Variants in FNDC3A observed in about 807,000 individuals in gnomAD.
FNDC3A encodes fibronectin type III domain containing 3A.
In FNDC3A, 32 loss-of-function variants were observed where a neutral mutation model predicts 148.9. That is an observed-to-expected ratio of 0.21 (90% confidence interval 0.16 to 0.29). The LOEUF (loss-of-function observed/expected upper bound fraction) is 0.29. Among genes scored for constraint, FNDC3A ranks in the 10% least tolerant of loss-of-function variants. The pLI, the probability that FNDC3A is intolerant of heterozygous loss-of-function variation, is 1.00. For missense variants in FNDC3A, 1,191 were observed against 1,452.8 expected (o/e 0.82, Z 2.93); for synonymous variants, 472 against 473.6 (o/e 1.00, Z 0.04).
intron 2 of FNDC3A, among the ~76,000 whole-genome samples, chr13:49,021,662 T>A (rs573598004): frequency 1.6e-4 from 24 of 152,318 alleles, no homozygotes; most frequent in African/African-American, 5.5e-4. Flanking sequence ...TCCCTGAACA[T>A]ACTGTTGCAA....
At chr13:49,106,773 C>CTAA (rs1555291720) in intron 3 of FNDC3A, among the ~76,000 whole-genome samples, 1 of 79,882 alleles carries the variant, frequency 1.3e-5, no homozygotes, top group Non-Finnish European at 2.3e-5. Flanking sequence ...TGAATGAAAG[C>CTAA]AAAAAAAAAA....
At chr13:49,016,035 G>A (rs955978977) in intron 2 of FNDC3A, among the ~76,000 whole-genome samples, 9 of 152,146 alleles carry the variant, frequency 5.9e-5, no homozygotes, top group African/African-American at 1.7e-4. Context: ...TTGCATCAAT[G>A]TTCATCAAGG....
In FNDC3A at chr13:49,203,142, A is replaced by G. The variant is rs372242138; in HGVS notation, c.3155-15A>G. 1 of 1,558,490 alleles carries G rather than the reference A, an allele frequency of 6.4e-7. No individual in the cohort carries two copies. Among genetic ancestry groups the G allele is most frequent in the Non-Finnish European group, 8.8e-7 (1 of 1,141,112 alleles). On this transcript the variant is annotated splice_polypyrimidine_tract_variant and intron_variant, in intron 24 of 25. Transcript: ENST00000492622. ...ATCAAGTGGAACAGATATTATTTAT[A>G]TTTGTTTCCTACAGCCCCCAAAATA...
rs551831897 is a variant in FNDC3A at position 49,017,099 on chromosome 13, C to G, written c.99+10810C>G. 9.5e-4 allele frequency among the ~76,000 whole-genome samples: 145 copies of G among 152,226 alleles called. 1 individual carries two copies. Among genetic ancestry groups the G allele is most frequent in the African/African-American group, 3.3e-3 (139 of 41,518 alleles). On this transcript the variant is annotated intron_variant, in intron 2 of 25. Coordinates refer to ENST00000492622, the MANE Select transcript of FNDC3A (RefSeq NM_001079673.2). ...TTCTGTTGATTTGGGGTGGAGAGTTCTGCAGATGTCTATTAGGTCTGCTTG... is the reference window on the plus strand; with the variant it reads ...TTCTGTTGATTTGGGGTGGAGAGTTGTGCAGATGTCTATTAGGTCTGCTTG...
chr13:48,990,202 C>G (rs1237872755), intron 1 of FNDC3A, among the ~76,000 whole-genome samples: 3 of 151,740 alleles, frequency 2.0e-5, no homozygotes, highest in Non-Finnish European at 4.4e-5. Context: ...GACTTTTTAC[C>G]CAAACTGTCT....
chr13:49,103,634 T>C (rs1879994048), intron 3 of FNDC3A, among the ~76,000 whole-genome samples: 1 of 152,210 alleles, frequency 6.6e-6, no homozygotes, highest in Non-Finnish European at 1.5e-5. Context: ...CTAGTGCTGC[T>C]AAGGCAATAG....
At chr13:49,028,214 T>TAA (rs534780707) in intron 2 of FNDC3A, among the ~76,000 whole-genome samples, 5 of 145,434 alleles carry the variant, frequency 3.4e-5, no homozygotes, top group African/African-American at 1.0e-4. Context: ...GACTCTGTCT[T>TAA]AAAAAAAAAA....
rs1217732452 is a variant in FNDC3A at position 48,990,233 on chromosome 13, A to C, written c.-40+14056A>C. On this transcript the variant is annotated intron_variant, in intron 1 of 25. Coordinates refer to ENST00000492622, the MANE Select transcript of FNDC3A (RefSeq NM_001079673.2). ...TGTCTTTCAAAATAAAGGCAAAATA[A>C]AGATTTCAAATATACAAAAGCTGAA... 2.6e-5 allele frequency among the ~76,000 whole-genome samples: 4 copies of C among 152,064 alleles called. No individual in the cohort carries two copies. In the East Asian group the frequency reaches 7.7e-4, roughly 29 times the overall value.
At chr13:48,987,841 G>A (rs534234684) in intron 1 of FNDC3A, 1 of 152,220 alleles carries the variant, frequency 6.6e-6, no homozygotes, top group Non-Finnish European at 1.5e-5. Context: ...TATAATCACT[G>A]CCCTGTATAT....
chr13:48,986,388 T>G (rs934559239), intron 1 of FNDC3A, among the ~76,000 whole-genome samples: 4 of 92,414 alleles, frequency 4.3e-5, no homozygotes, highest in East Asian at 2.9e-4. Flanking sequence ...GGAAGTTGTT[T>G]TTTTTTTTTT....
At chr13:49,015,800 T>G (rs1952485358) in intron 2 of FNDC3A, among the ~76,000 whole-genome samples, 1 of 151,624 alleles carries the variant, frequency 6.6e-6, no homozygotes, top group African/African-American at 2.4e-5. Flanking sequence ...TTATTGAGAG[T>G]TTTTAGCATG....
chr13:49,135,247 T>C (rs1327548782), intron 5 of FNDC3A, among the ~76,000 whole-genome samples: 1 of 152,196 alleles, frequency 6.6e-6, no homozygotes, highest in Non-Finnish European at 1.5e-5. Context: ...TGTTGAAAGG[T>C]AAGAGTATAT....
rs747027955 is a variant in FNDC3A at position 49,196,831 on chromosome 13, A to G, written c.2227-46A>G. On this transcript the variant is annotated intron_variant, in intron 19 of 25. Transcript: ENST00000492622. ...ATGCAGTTCTGTGCAATCAGTGGAC[A>G]TTTAAGGGTGAAAAATAAAAACACT... 9 of 1,025,532 alleles carry G rather than the reference A, an allele frequency of 8.8e-6. No homozygotes were observed. The East Asian group carries it at 2.2e-4, about 25-fold the overall frequency. The allele number at this position is 1,025,532 out of a possible 1,614,324, so 63.5% of individuals were successfully genotyped here. A position where few individuals can be genotyped will look rare whatever the true frequency, so the allele number is the denominator to read the frequency against.
chr13:49,127,950 C>A (rs1048177817), intron 4 of FNDC3A, among the ~76,000 whole-genome samples: 1 of 151,996 alleles, frequency 6.6e-6, no homozygotes, highest in African/African-American at 2.4e-5. Context: ...AGCACAGTCT[C>A]GGCTCACTGC....
intron 19 of FNDC3A, among the ~76,000 whole-genome samples, chr13:49,193,871 AATC>A (rs1886016855): frequency 6.6e-6 from 1 of 151,862 alleles, no homozygotes; most frequent in Non-Finnish European, 1.5e-5. Context: ...AGTGAGCTGA[AATC>A]ATGCCACTAC....
Position 49,207,061 on chromosome 13 carries a change from T to G in FNDC3A, c.3283-20T>G. On this transcript the variant is annotated intron_variant, in intron 25 of 25. Coordinates refer to ENST00000492622, the MANE Select transcript of FNDC3A (RefSeq NM_001079673.2). ...TCCAGCCTTCACACGTAATTCTTCC[T>G]TCTAATATTTTATTAACAGATTTAC... is the stretch of plus-strand genomic sequence containing the variant. 15 of 1,575,122 alleles carry G rather than the reference T, an allele frequency of 9.5e-6. No homozygotes were observed. The highest frequency in any genetic ancestry group is 1.2e-5 in the Non-Finnish European group (14 of 1,147,750).
At chr13:49,042,508 G>T (rs954129040) in intron 2 of FNDC3A, among the ~76,000 whole-genome samples, 1 of 152,140 alleles carries the variant, frequency 6.6e-6, no homozygotes, top group Non-Finnish European at 1.5e-5. Context: ...GGGTACAGTG[G>T]CTCATACCTG....
At position 49,196,862 on chromosome 13, in the gene FNDC3A, C is replaced by T. The variant is rs114835374; in HGVS notation, c.2227-15C>T. ...GGGTGAAAAATAAAAACACTAGTTA[C>T]ATTTGTTTTTCTAGTTTGGACCATT... is the stretch of plus-strand genomic sequence containing the variant. On this transcript the variant is annotated splice_polypyrimidine_tract_variant and intron_variant, in intron 19 of 25. Transcript: ENST00000492622. 4,541 of 1,439,600 alleles carry T rather than the reference C, an allele frequency of 3.2e-3. 118 individuals carry two copies. The African/African-American group carries it at 0.054, about 17-fold the overall frequency. The allele number at this position is 1,439,600 out of a possible 1,614,324, so 89.2% of individuals were successfully genotyped here. A position where few individuals can be genotyped will look rare whatever the true frequency, so the allele number is the denominator to read the frequency against.
At chr13:49,203,433 A>C (rs1886510656) in intron 25 of FNDC3A, 149 bp downstream of exon 25, 1 of 582,458 alleles carries the variant, frequency 1.7e-6, no homozygotes, top group African/African-American at 1.9e-5. Context: ...CAAGATTCCA[A>C]ATCTTTTCAG....
Sources: allele counts gnomAD v4.1 joint callset (sites outside exome capture counted in the v4.1 genomes callset), GRCh38; gene constraint gnomAD v4.1.1; transcripts MANE v1.5; gene names NCBI Gene and HGNC (gene_info 2026-07-23, HGNC 2026-07-21).